The following KCTD18 variants were observed in gnomAD, a reference collection of about 807,000 sequenced individuals.
KCTD18 encodes BTB/POZ domain-containing protein KCTD18.
KCTD18 carries 22 observed loss-of-function variants against 30.4 expected under a neutral mutation model. That is an observed-to-expected ratio of 0.72 (90% confidence interval 0.52 to 1.03). The LOEUF (loss-of-function observed/expected upper bound fraction) is 1.03, where lower values mean the gene tolerates loss of function less well. Ranked by LOEUF, KCTD18 falls within the 50% of genes least tolerant of loss-of-function variation. The pLI is 0.00. For synonymous variants in KCTD18, 186 were observed against 209.0 expected, an observed-to-expected ratio of 0.89 and a Z score of 0.95; for missense variants, 529 against 547.6, an observed-to-expected ratio of 0.97 and a Z score of 0.34.
At chr2:200,503,141 G>T (rs1248528033) in intron 3 of KCTD18, among the ~76,000 whole-genome samples, 1 of 152,150 alleles carries the variant, frequency 6.6e-6, no homozygotes, top group Non-Finnish European at 1.5e-5. Context: ...TTCCCTGGGA[G>T]GAACAGCTTT....
rs769768046 is a variant in KCTD18, at chr2:200,498,953, A to G, written c.504T>C (p.Asp168=). ...RIIGVYATKT[D]GTDAIEKQLG... ...GCTGCTTTTCAATAGCGTCTGTTCCATCAGTTTTTGTGGCATATACACCAA... is the reference window on the plus strand; with the variant it reads ...GCTGCTTTTCAATAGCGTCTGTTCCGTCAGTTTTTGTGGCATATACACCAA... Residue 168 remains aspartate (D), a synonymous_variant, in exon 4 of 7, where the codon GAT becomes GAC. Transcript: ENST00000359878. 1 of 1,614,142 alleles carries G rather than the reference A, an allele frequency of 6.2e-7. No homozygotes were observed. Among genetic ancestry groups the G allele is most frequent in the South Asian group, 1.1e-5 (1 of 91,078 alleles).
chr2:200,498,603 C>G (rs749670119), intron 4 of KCTD18, among the ~76,000 whole-genome samples: 73 of 152,138 alleles, frequency 4.8e-4, no homozygotes, highest in Non-Finnish European at 5.6e-4. Context: ...TCTTTCTCTT[C>G]TTTTCTTTTT....
chr2:200,507,567 C>T (rs764548746), intron 1 of KCTD18, among the ~76,000 whole-genome samples: 1 of 152,100 alleles, frequency 6.6e-6, no homozygotes, highest in Non-Finnish European at 1.5e-5. Context: ...TGATGCCCAG[C>T]TCAAAGGACT....
chr2:200,506,389 A>G (rs565304339), intron 2 of KCTD18, among the ~76,000 whole-genome samples: 5 of 152,264 alleles, frequency 3.3e-5, no homozygotes, highest in East Asian at 3.9e-4. Flanking sequence ...AGCCGTGCAC[A>G]TTGGACACAC....
At chr2:200,493,108 C>A (rs1049243437) in intron 6 of KCTD18, 64 bp downstream of exon 6, 6 of 910,162 alleles carry the variant, frequency 6.6e-6, no homozygotes, top group Non-Finnish European at 1.1e-5. Flanking sequence ...TTTCCCTTCA[C>A]AAAGGCAGTA....
intron 3 of KCTD18, among the ~76,000 whole-genome samples, chr2:200,500,488 C>T (rs1207354565): frequency 6.6e-6 from 1 of 151,990 alleles, no homozygotes; most frequent in Non-Finnish European, 1.5e-5. Context: ...ACACCAACAA[C>T]AGACAAACAG....
Position 200,497,776 on chromosome 2 carries a change from G to A in KCTD18, c.638C>T (p.Ala213Val), listed in dbSNP as rs1333197525. The A allele has an allele frequency of 1.9e-6, 3 of 1,609,978 alleles. No individual in the cohort carries two copies. Among genetic ancestry groups the A allele is most frequent in the African/African-American group, 2.7e-5 (2 of 74,682 alleles). The change falls in exon 5 of 7, where the codon GCC (alanine) becomes GTC (valine). Residue 213 changes from alanine to valine, a missense_variant. Ala to Val is a moderately conservative substitution (Grantham distance 64). Coordinates refer to ENST00000359878, the MANE Select transcript of KCTD18 (RefSeq NM_152387.4). ...ACCTTTTCCTTCCCAAGCATCAAAG[G>A]CATCCATCATTTTCTTCAACTCTGC... ...SVAELKKMMD[A>V]FDAWEGKGVS...
chr2:200,491,335 C>A (rs554965942), intron 6 of KCTD18, among the ~76,000 whole-genome samples: 1 of 152,222 alleles, frequency 6.6e-6, no homozygotes, highest in Admixed American at 6.5e-5. Flanking sequence ...CTGGCCCTAA[C>A]CTTCTTGTAC....
rs372255855 is a variant in KCTD18, at chr2:200,493,291, C to A, written c.662-17G>T. On this transcript the variant is annotated splice_polypyrimidine_tract_variant and intron_variant, in intron 5 of 6. Transcript: ENST00000359878. ...AGCTAACACCTGGAAGGTAAAAAGA[C>A]ATAATTAAGACAGCTACCATCCACT... is the stretch of plus-strand genomic sequence containing the variant. The A allele has an allele frequency of 9.1e-6, 13 of 1,425,968 alleles. No individual in the cohort carries two copies. The African/African-American group carries it at 1.8e-4, about 20-fold the overall frequency. 88.3% of individuals were successfully genotyped at this position (1,425,968 alleles called of 1,614,324 possible).
At chr2:200,499,163 T>A in intron 3 of KCTD18, 79 bp from the exon 4 acceptor site, 2 of 991,018 alleles carry the variant, frequency 2.0e-6, no homozygotes, top group Admixed American at 2.9e-5. Context: ...TACTTTCATG[T>A]AAAAGCTGAA....
At chr2:200,499,586 T>C (rs949159171) in intron 3 of KCTD18, among the ~76,000 whole-genome samples, 3 of 151,906 alleles carry the variant, frequency 2.0e-5, no homozygotes, top group African/African-American at 4.8e-5. Flanking sequence ...CAGGAAGAAG[T>C]TGAATCTCTG....
At chr2:200,508,331 C>T (rs1238401740) in intron 1 of KCTD18, among the ~76,000 whole-genome samples, 5 of 152,176 alleles carry the variant, frequency 3.3e-5, no homozygotes, top group Admixed American at 2.6e-4. Flanking sequence ...CTCAGGTGAT[C>T]CACCCACCTC....
intron 2 of KCTD18, 120 bp downstream of exon 2, chr2:200,506,737 A>G: frequency 9.7e-6 from 8 of 823,476 alleles, no homozygotes; most frequent in Non-Finnish European, 1.6e-5. Flanking sequence ...ATAGAGTCCT[A>G]ATGATCTCAG....
At chr2:200,493,548 G>A (rs1165674764) in intron 5 of KCTD18, among the ~76,000 whole-genome samples, 1 of 152,232 alleles carries the variant, frequency 6.6e-6, no homozygotes, top group Non-Finnish European at 1.5e-5. Context: ...GGGCAGCTGA[G>A]AGTGAGGGCT....
intron 3 of KCTD18, among the ~76,000 whole-genome samples, chr2:200,499,338 T>A (rs1170958942): frequency 6.6e-6 from 1 of 152,172 alleles, no homozygotes; most frequent in African/African-American, 2.4e-5. Flanking sequence ...AGAAACCTTT[T>A]CCACATGGAA....
chr2:200,504,719 T>C (rs377403621), intron 3 of KCTD18, 29 bp downstream of exon 3: 63 of 1,482,730 alleles, frequency 4.2e-5, no homozygotes, highest in Non-Finnish European at 5.0e-5. Flanking sequence ...TAAATATATA[T>C]ATTCAAAAAC....
At chr2:200,509,190 G>C (rs61267675) in intron 1 of KCTD18, among the ~76,000 whole-genome samples, 20,869 of 151,976 alleles carry the variant, frequency 0.14, 1,501 homozygotes, top group Non-Finnish European at 0.15. Context: ...GACAGATGAG[G>C]CCATTGGGGT....
rs759909801 is a variant in KCTD18 at position 200,504,993 on chromosome 2, G to T, written c.161-34C>A. 10 of 1,521,518 alleles carry T rather than the reference G, an allele frequency of 6.6e-6. No homozygotes were observed. The African/African-American group carries it at 1.1e-4, about 17-fold the overall frequency. 94.3% of individuals were successfully genotyped at this position (1,521,518 alleles called of 1,614,324 possible). ...CATTCAGTTCAAAAATGATTATAGA[G>T]ATTCTGTCGATCAATAAGATTTCAA... On this transcript the variant is annotated intron_variant, in intron 2 of 6. Coordinates refer to ENST00000359878, the MANE Select transcript of KCTD18 (RefSeq NM_152387.4).
At position 200,489,359 on chromosome 2, in the gene KCTD18, C is replaced by T. The variant is rs983597317; in HGVS notation, c.*741G>A. ...AAGTTAAACTTTTACTTCTCTTTTTCAAAGTATTTTCAAAACTTCACTATT... is the reference window on the plus strand; with the variant it reads ...AAGTTAAACTTTTACTTCTCTTTTTTAAAGTATTTTCAAAACTTCACTATT... On this transcript the variant is annotated 3_prime_UTR_variant, in exon 7 of 7. Transcript: ENST00000359878. 1 of 152,514 alleles carries T rather than the reference C, an allele frequency of 6.6e-6. No homozygotes were observed. Among genetic ancestry groups the T allele is most frequent in the African/African-American group, 2.4e-5 (1 of 41,424 alleles). The allele number at this position is 152,514 out of a possible 1,614,324, so 9.4% of individuals were successfully genotyped here.
Sources: allele counts gnomAD v4.1 joint callset (sites outside exome capture counted in the v4.1 genomes callset), GRCh38; gene constraint gnomAD v4.1.1; transcripts MANE v1.5; gene names NCBI Gene and HGNC (gene_info 2026-07-23, HGNC 2026-07-21).